DNM3: variants seen among roughly 807,000 people sequenced by gnomAD.
The protein encoded by DNM3 is dynamin 3.
Under a neutral mutation model 101.6 loss-of-function variants are expected in DNM3, and 47 were observed. The ratio of observed to expected loss-of-function variants is 0.46; its 90% CI spans 0.37 to 0.59. The LOEUF (loss-of-function observed/expected upper bound fraction) is 0.59, where lower values mean the gene tolerates loss of function less well. DNM3 is among the 20% of genes least tolerant of loss of function. The pLI, the probability that DNM3 is intolerant of heterozygous loss-of-function variation, is 0.00. For missense variants in DNM3, 849 were observed against 1,085.7 expected (o/e 0.78, Z 3.06); for synonymous variants, 385 against 387.9 (o/e 0.99, Z 0.09).
chr1:172,407,575 GA>G (rs927541200), intron 20 of DNM3, among the ~76,000 whole-genome samples, 196 bp from the exon 21 acceptor site: 5 of 151,838 alleles, frequency 3.3e-5, no homozygotes, highest in African/African-American at 1.2e-4. Flanking sequence ...ATTTGCATAT[GA>G]AAAAAGACGT....
At chr1:171,906,131 T>C (rs964215827) in intron 1 of DNM3, among the ~76,000 whole-genome samples, 13 of 151,424 alleles carry the variant, frequency 8.6e-5, no homozygotes, top group African/African-American at 3.2e-4. Flanking sequence ...AATTGCATTT[T>C]TTTTTTTTTT....
At chr1:171,998,121 A>T (rs576691138) in intron 4 of DNM3, among the ~76,000 whole-genome samples, 1 of 152,304 alleles carries the variant, frequency 6.6e-6, no homozygotes, top group South Asian at 2.1e-4. Flanking sequence ...CCTGTCTCAG[A>T]TGCCAATAGT....
At chr1:172,029,901 A>G (rs955918555) in intron 4 of DNM3, among the ~76,000 whole-genome samples, 5 of 152,200 alleles carry the variant, frequency 3.3e-5, no homozygotes, top group Non-Finnish European at 5.9e-5. Context: ...TCAAGGAAAT[A>G]AAAGAGGATA....
chr1:171,980,151 C>CTTTT (rs35057661), intron 2 of DNM3, among the ~76,000 whole-genome samples: 2,214 of 138,290 alleles, frequency 0.016, 56 homozygotes, highest in African/African-American at 0.047. Context: ...TTTAGATTTC[C>CTTTT]TTTTTTTTTT....
At chr1:172,053,343 G>C (rs999816705) in intron 10 of DNM3, among the ~76,000 whole-genome samples, 8 of 151,932 alleles carry the variant, frequency 5.3e-5, no homozygotes, top group Non-Finnish European at 1.0e-4. Flanking sequence ...TTTTAGGGAG[G>C]CAGCTCAATC....
intron 15 of DNM3, among the ~76,000 whole-genome samples, chr1:172,292,014 C>G (rs1441150815): frequency 6.6e-6 from 1 of 152,082 alleles, no homozygotes; most frequent in East Asian, 1.9e-4. Flanking sequence ...ACAAAATTTA[C>G]TTTTATATTT....
chr1:172,315,767 G>C (rs139301904), intron 16 of DNM3, among the ~76,000 whole-genome samples: 3 of 152,214 alleles, frequency 2.0e-5, no homozygotes, highest in Non-Finnish European at 2.9e-5. Flanking sequence ...TCTGATTGGT[G>C]TACCTGACAG....
chr1:172,384,360 C>T (rs981467033), intron 18 of DNM3, among the ~76,000 whole-genome samples: 1 of 152,196 alleles, frequency 6.6e-6, no homozygotes, highest in Non-Finnish European at 1.5e-5. Flanking sequence ...GTAAAAATCA[C>T]AGCATTTTTT....
intron 14 of DNM3, among the ~76,000 whole-genome samples, chr1:172,165,165 C>A (rs779173480): frequency 1.1e-4 from 16 of 151,942 alleles, no homozygotes; most frequent in Admixed American, 3.9e-4. Flanking sequence ...ATTCCTTTTT[C>A]AAAAATACAG....
intron 14 of DNM3, among the ~76,000 whole-genome samples, chr1:172,231,733 C>A (rs534406622): frequency 7.2e-4 from 110 of 152,274 alleles, no homozygotes; most frequent in Middle Eastern, 6.8e-3. Context: ...ATAACCAATG[C>A]AGAGAAGTCC....
intron 2 of DNM3, among the ~76,000 whole-genome samples, 187 bp downstream of exon 2, chr1:171,922,008 A>G (rs538072922): frequency 6.6e-6 from 1 of 152,044 alleles, no homozygotes; most frequent in African/African-American, 2.4e-5. Context: ...ATTAAAGGGG[A>G]TATTTTCATA....
chr1:172,226,539 C>A (rs2148587626), intron 14 of DNM3, among the ~76,000 whole-genome samples: 1 of 152,284 alleles, frequency 6.6e-6, no homozygotes, highest in East Asian at 1.9e-4. Flanking sequence ...GACCCTGGAG[C>A]CTGCTCCCTG....
intron 2 of DNM3, among the ~76,000 whole-genome samples, chr1:171,927,698 A>G (rs577698669): frequency 1.3e-5 from 2 of 152,332 alleles, no homozygotes; most frequent in African/African-American, 4.8e-5. Flanking sequence ...AAAGAACAAG[A>G]TAATGTCTTT....
chr1:172,202,173 G>A (rs2060178507), intron 14 of DNM3, among the ~76,000 whole-genome samples: 1 of 152,134 alleles, frequency 6.6e-6, no homozygotes, highest in African/African-American at 2.4e-5. Flanking sequence ...GCTACTTCTA[G>A]TAAGCCATCT....
chr1:172,266,717 C>T (rs1241001812), intron 15 of DNM3, among the ~76,000 whole-genome samples: 2 of 152,096 alleles, frequency 1.3e-5, no homozygotes, highest in African/African-American at 4.8e-5. Flanking sequence ...TTATCCTATC[C>T]ACCCACACCC....
At chr1:172,222,686 T>C (rs930398773) in intron 14 of DNM3, among the ~76,000 whole-genome samples, 1 of 152,012 alleles carries the variant, frequency 6.6e-6, no homozygotes, top group Admixed American at 6.6e-5. Flanking sequence ...TATTTAGGGG[T>C]TTGTTTTGTT....
intron 14 of DNM3, among the ~76,000 whole-genome samples, chr1:172,213,517 CAAAA>C (rs57339395): frequency 5.0e-5 from 4 of 79,390 alleles, no homozygotes; most frequent in African/African-American, 9.1e-5. Context: ...TCCATTGTTA[CAAAA>C]AAAAAAAAAA....
chr1:171,962,382 G>T (rs2043276127), intron 2 of DNM3, among the ~76,000 whole-genome samples: 1 of 152,198 alleles, frequency 6.6e-6, no homozygotes, highest in South Asian at 2.1e-4. Flanking sequence ...GTTACCAGGG[G>T]TTGGAGGAAA....
intron 13 of DNM3, among the ~76,000 whole-genome samples, chr1:172,093,337 C>A (rs1485713279): frequency 5.3e-5 from 8 of 152,124 alleles, no homozygotes; most frequent in Non-Finnish European, 8.8e-5. Flanking sequence ...ACACTAAATT[C>A]TTGTTGGTTA....
Sources: gnomAD v4.1 joint callset for allele counts (sites outside exome capture counted in the v4.1 genomes callset) on GRCh38, gnomAD v4.1.1 for gene constraint, MANE v1.5 for transcripts, NCBI Gene and HGNC (gene_info 2026-07-23, HGNC 2026-07-21) for gene names.